The following GABRB2 variants were observed in gnomAD, a reference collection of about 807,000 sequenced individuals.
GABRB2 encodes the protein gamma-aminobutyric acid type A receptor subunit beta2.
In GABRB2, 16 loss-of-function variants were observed where a neutral mutation model predicts 54.7. The observed-to-expected ratio is 0.29, with a 90% CI of 0.20 to 0.44. The LOEUF (loss-of-function observed/expected upper bound fraction) is 0.44. Ranked by LOEUF, GABRB2 falls within the 20% of genes least tolerant of loss-of-function variation. GABRB2 has a pLI of 1.00. For synonymous variants in GABRB2, 244 were observed against 233.8 expected, an observed-to-expected ratio of 1.04 and a Z score of -0.40; for missense variants, 355 against 644.0, an observed-to-expected ratio of 0.55 and a Z score of 4.86.
At chr5:161,374,868 A>AT (rs949778208) in intron 5 of GABRB2, among the ~76,000 whole-genome samples, 2 of 152,056 alleles carry the variant, frequency 1.3e-5, no homozygotes, top group Admixed American at 6.6e-5. Flanking sequence ...AAGCCCAATA[A>AT]TTTTTTTAAT....
At chr5:161,525,858 A>G (rs1760261933) in intron 3 of GABRB2, among the ~76,000 whole-genome samples, 1 of 151,374 alleles carries the variant, frequency 6.6e-6, no homozygotes, top group Admixed American at 6.6e-5. Flanking sequence ...ATTTAAACAG[A>G]AAAAATAAAA....
At chr5:161,429,863 A>G (rs2113171910) in intron 4 of GABRB2, among the ~76,000 whole-genome samples, 1 of 152,312 alleles carries the variant, frequency 6.6e-6, no homozygotes, top group East Asian at 1.9e-4. Context: ...GGTGAACTAC[A>G]GAAAACCCTC....
intron 3 of GABRB2, among the ~76,000 whole-genome samples, chr5:161,502,804 G>A (rs993897247): frequency 6.6e-6 from 1 of 152,160 alleles, no homozygotes; most frequent in Non-Finnish European, 1.5e-5. Flanking sequence ...CAAACTACTG[G>A]GTAGGATACT....
At chr5:161,351,778 G>C (rs1285276858) in intron 5 of GABRB2, among the ~76,000 whole-genome samples, 2 of 151,988 alleles carry the variant, frequency 1.3e-5, no homozygotes, top group African/African-American at 2.4e-5. Flanking sequence ...TACAGAATAG[G>C]AGAATGTATT....
intron 3 of GABRB2, among the ~76,000 whole-genome samples, chr5:161,519,151 A>C (rs1323136893): frequency 6.6e-6 from 1 of 152,202 alleles, no homozygotes; most frequent in Non-Finnish European, 1.5e-5. Flanking sequence ...GCAAACTAGA[A>C]AAGAGATGAA....
intron 4 of GABRB2, among the ~76,000 whole-genome samples, chr5:161,446,881 A>G (rs35630304): frequency 0.022 from 3,407 of 152,086 alleles, 59 homozygotes; most frequent in Non-Finnish European, 0.034. Context: ...TGAGTCACAG[A>G]GACTGGATGT....
chr5:161,516,754 G>A (rs1251037667), intron 3 of GABRB2, among the ~76,000 whole-genome samples: 2 of 152,008 alleles, frequency 1.3e-5, no homozygotes, highest in Admixed American at 6.6e-5. Context: ...AATTTATTTT[G>A]TCCAGAAATT....
chr5:161,543,306 A>C (rs540477094), intron 3 of GABRB2, among the ~76,000 whole-genome samples: 1 of 152,252 alleles, frequency 6.6e-6, no homozygotes, highest in Non-Finnish European at 1.5e-5. Context: ...AAAATGTTGC[A>C]TGTAGGCAAA....
chr5:161,339,122 C>T (rs1754079368), intron 5 of GABRB2, among the ~76,000 whole-genome samples: 1 of 151,996 alleles, frequency 6.6e-6, no homozygotes, highest in Admixed American at 6.6e-5. Context: ...TAAACCAGTT[C>T]AAAATAACAA....
chr5:161,408,504 T>C (rs1756410975), intron 5 of GABRB2, among the ~76,000 whole-genome samples: 1 of 151,936 alleles, frequency 6.6e-6, no homozygotes, highest in Non-Finnish European at 1.5e-5. Flanking sequence ...CATTCCTGAG[T>C]GAATGAATGA....
At chr5:161,360,596 C>A (rs868822687) in intron 5 of GABRB2, among the ~76,000 whole-genome samples, 7 of 152,022 alleles carry the variant, frequency 4.6e-5, no homozygotes, top group Non-Finnish European at 8.8e-5. Flanking sequence ...GTAATAAAAT[C>A]TTTGAAATAA....
chr5:161,357,507 G>T (rs1365968382), intron 5 of GABRB2, among the ~76,000 whole-genome samples: 1 of 100,348 alleles, frequency 1.0e-5, no homozygotes, highest in Non-Finnish European at 1.9e-5. Flanking sequence ...TATTATGAGT[G>T]AGAGTTTTGA....
In GABRB2 at chr5:161,289,441, AG is replaced by A. The variant is rs1233533837; in HGVS notation, c.*4639del. On this transcript the variant is annotated 3_prime_UTR_variant, in exon 10 of 10. Transcript: ENST00000393959. Reference sequence around the variant, plus strand: ...AATAATTCTGGAGTCTTTGGTTGAAAGGAACAATACTACCTAAGGACAAAAT... The same window carrying A: ...AATAATTCTGGAGTCTTTGGTTGAAAGAACAATACTACCTAAGGACAAAAT... The A allele has an allele frequency of 2.6e-5, 4 of 151,318 alleles. No individual in the cohort carries two copies. Among genetic ancestry groups the A allele is most frequent in the Admixed American group, 6.6e-5 (1 of 15,124 alleles). 9.4% of individuals were successfully genotyped at this position (151,318 alleles called of 1,614,324 possible).
intron 5 of GABRB2, among the ~76,000 whole-genome samples, chr5:161,366,643 T>G (rs1284195484): frequency 6.6e-6 from 1 of 152,122 alleles, no homozygotes; most frequent in East Asian, 1.9e-4. Context: ...TACCCTATTT[T>G]TAATAGAAAA....
At chr5:161,448,963 C>T (rs1037638604) in intron 4 of GABRB2, among the ~76,000 whole-genome samples, 8 of 152,130 alleles carry the variant, frequency 5.3e-5, no homozygotes, top group Non-Finnish European at 1.0e-4. Flanking sequence ...CATATTCATC[C>T]ATTAATGAAT....
intron 5 of GABRB2, among the ~76,000 whole-genome samples, chr5:161,370,542 T>C (rs143278465): frequency 3.0e-3 from 460 of 152,276 alleles, no homozygotes; most frequent in African/African-American, 0.011. Context: ...AGAAAACTGC[T>C]CTGTGACTTC....
chr5:161,487,169 T>C (rs886420002), intron 3 of GABRB2, among the ~76,000 whole-genome samples: 1 of 152,014 alleles, frequency 6.6e-6, no homozygotes, highest in Non-Finnish European at 1.5e-5. Context: ...ACTCATCTTT[T>C]GTTCCTTGCT....
intron 5 of GABRB2, among the ~76,000 whole-genome samples, chr5:161,340,684 A>G (rs1754131447): frequency 6.6e-6 from 1 of 152,032 alleles, no homozygotes; most frequent in African/African-American, 2.4e-5. Flanking sequence ...GAAAAAAAAA[A>G]GTAAAATGCT....
At chr5:161,316,772 T>C (rs558205933) in intron 9 of GABRB2, among the ~76,000 whole-genome samples, 1 of 152,148 alleles carries the variant, frequency 6.6e-6, no homozygotes, top group African/African-American at 2.4e-5. Flanking sequence ...CCATTATGCC[T>C]GGCTAATTTT....
Sources: gnomAD v4.1 joint callset for allele counts (sites outside exome capture counted in the v4.1 genomes callset) on GRCh38, gnomAD v4.1.1 for gene constraint, MANE v1.5 for transcripts, NCBI Gene and HGNC (gene_info 2026-07-23, HGNC 2026-07-21) for gene names.